SPATA24: variants seen among roughly 807,000 people sequenced by gnomAD.
The protein encoded by SPATA24 is spermatogenesis-associated protein 24.
SPATA24 carries 21 observed loss-of-function variants against 28.9 expected under a neutral mutation model. That is an observed-to-expected ratio of 0.73 (90% confidence interval 0.52 to 1.05). The LOEUF (loss-of-function observed/expected upper bound fraction) is 1.05, where lower values mean the gene tolerates loss of function less well. Ranked by LOEUF, SPATA24 falls within the 50% of genes least tolerant of loss-of-function variation. SPATA24 has a pLI of 0.00. For missense variants in SPATA24, 215 were observed against 242.9 expected, an observed-to-expected ratio of 0.88 and a Z score of 0.76; for synonymous variants, 76 against 89.9, an observed-to-expected ratio of 0.85 and a Z score of 0.88.
Position 139,404,020 on chromosome 5 carries a change from G to C in SPATA24, c.41C>G (p.Ser14Cys), listed in dbSNP as rs1339672353. 1 of 1,551,904 alleles carries C rather than the reference G, an allele frequency of 6.4e-7. No homozygotes were observed. The highest frequency in any genetic ancestry group is 8.7e-7 in the Non-Finnish European group (1 of 1,147,054). Reference protein sequence around the residue: ...PLGWSKAGSGSVCLALDQLRD... With the variant: ...PLGWSKAGSGCVCLALDQLRD... ...CAGTTGATCTAAAGCGAGACACACA[G>C]ATCCTGACCCCGCCTTCGACCACCC... The change falls in exon 1 of 6, where the codon TCT becomes TGT. Residue 14 changes from serine (S) to cysteine (C), a missense_variant. Ser to Cys is a moderately radical substitution (Grantham distance 112). Transcript: ENST00000450845.
downstream of SPATA24, chr5:139,396,677 T>C (rs1424693504): frequency 6.5e-7 from 1 of 1,537,744 alleles, no homozygotes; most frequent in African/African-American, 1.4e-5. Context: ...AGCCCCCACC[T>C]TGTGGACCCC....
At chr5:139,393,633 A>C, downstream of SPATA24, 1 of 1,549,272 alleles carries the variant, frequency 6.5e-7, no homozygotes, top group Non-Finnish European at 8.7e-7. Flanking sequence ...CGACTGCCGA[A>C]TGTGGAATCT....
At chr5:139,403,806 ACTGAGCCCGGCCTCCTC>A in intron 1 of SPATA24, 121 bp downstream of exon 1, 1 of 711,618 alleles carries the variant, frequency 1.4e-6, no homozygotes, top group Non-Finnish European at 2.4e-6. Flanking sequence ...ACCCCTACCG[ACTGAGCCCGGCCTCCTC>A]CTGATGACGC....
chr5:139,394,488 C>G, downstream of SPATA24: 7 of 1,421,668 alleles, frequency 4.9e-6, no homozygotes, highest in Non-Finnish European at 6.4e-6. Flanking sequence ...GCCTGGCGGG[C>G]GCGGCGCCCT....
chr5:139,394,917 A>C, downstream of SPATA24: 1 of 1,519,256 alleles, frequency 6.6e-7, no homozygotes, highest in Non-Finnish European at 8.8e-7. Context: ...CCCAGGGCCA[A>C]TTCGCTGGGC....
Position 139,402,065 on chromosome 5 carries a change from C to T in SPATA24, c.184-20G>A. 1.9e-6 allele frequency: 3 copies of T among 1,549,198 alleles called. No homozygotes were observed. The highest frequency in any genetic ancestry group is 1.2e-5 in the South Asian group (1 of 83,854). On this transcript the variant is annotated intron_variant, in intron 2 of 5. Transcript: ENST00000450845. Reference sequence around the variant, plus strand: ...CTCTTCCTGCAGGGGCAGCAGCAGTCACCTCATTACCCTAGGCCGCCTTGG... The same window carrying T: ...CTCTTCCTGCAGGGGCAGCAGCAGTTACCTCATTACCCTAGGCCGCCTTGG...
intron 2 of SPATA24, among the ~76,000 whole-genome samples, 179 bp from the exon 3 acceptor site, chr5:139,402,224 T>C (rs1244752333): frequency 6.6e-6 from 1 of 151,094 alleles, no homozygotes; most frequent in African/African-American, 2.4e-5. Context: ...CTTTTTTCTT[T>C]TTTTTTTTAG....
At chr5:139,395,066 C>T, downstream of SPATA24, 6 of 1,408,460 alleles carry the variant, frequency 4.3e-6, no homozygotes, top group Admixed American at 3.4e-5. Flanking sequence ...GCTGGCGGGG[C>T]GAGCGCGGTC....
At chr5:139,402,180 G>T (rs1758839584) in intron 2 of SPATA24, 135 bp from the exon 3 acceptor site, 3 of 1,143,306 alleles carry the variant, frequency 2.6e-6, no homozygotes, top group African/African-American at 1.6e-5. Context: ...TGCTACAGGG[G>T]CTGGAGGTTC....
downstream of SPATA24, chr5:139,393,733 C>T: frequency 5.2e-6 from 8 of 1,551,364 alleles, no homozygotes; most frequent in Non-Finnish European, 6.1e-6. Context: ...AGGGCTTCTC[C>T]TGCTGACAGT....
rs1313739220 is a variant in SPATA24, at chr5:139,396,923, G to A, written c.495C>T (p.His165=). The part of the protein sequence containing the change: ...ISQQKQIFRN[H]MSDFRIQKQQ... ...GCTTCTGGATCCGGAAGTCAGACAT[G>A]TGATTCCTGCAACGGAGCCGGCTGG... is the stretch of plus-strand genomic sequence containing the variant. Residue 165 remains histidine (H), a synonymous_variant, in exon 6 of 6, where the codon CAC becomes CAT. Coordinates refer to ENST00000450845, the MANE Select transcript of SPATA24 (RefSeq NM_194296.2). 2.6e-6 allele frequency: 4 copies of A among 1,551,688 alleles called. No homozygotes were observed. The highest frequency in any genetic ancestry group is 3.9e-5 in the Admixed American group (2 of 51,002).
chr5:139,393,544 G>A (rs1758637021), downstream of SPATA24: 5 of 1,551,186 alleles, frequency 3.2e-6, no homozygotes, highest in Non-Finnish European at 4.4e-6. Flanking sequence ...TGGGCCCCAA[G>A]TTCCAATAGG....
chr5:139,392,536 G>A, downstream of SPATA24: 2 of 1,352,914 alleles, frequency 1.5e-6, no homozygotes, highest in Non-Finnish European at 1.9e-6. The surrounding 1 kb of genome is among the most constrained non-coding windows in gnomAD (Gnocchi z 5.8). Context: ...GCGGGGCTGG[G>A]CTGGGGCCGT....
At chr5:139,395,900 G>A (rs368999562), downstream of SPATA24, among the ~76,000 whole-genome samples, 1 of 152,214 alleles carries the variant, frequency 6.6e-6, no homozygotes, top group Non-Finnish European at 1.5e-5. Flanking sequence ...CCTGCGGCCA[G>A]AACAGCCCTG....
downstream of SPATA24, chr5:139,393,778 G>C: frequency 6.4e-7 from 1 of 1,551,448 alleles, no homozygotes. Context: ...TTCCCACTCG[G>C]AGGAGGCTTC....
rs1161342473 is a variant in SPATA24 at position 139,402,401 on chromosome 5, A to G, written c.183+227T>C. Among the ~76,000 whole-genome samples, 3 of 150,668 alleles carry G rather than the reference A, an allele frequency of 2.0e-5. No homozygotes were observed. The South Asian group carries it at 6.2e-4, about 31-fold the overall frequency. On this transcript the variant is annotated intron_variant, in intron 2 of 5. Transcript: ENST00000450845. Reference sequence around the variant, plus strand: ...GCTTGGCTAATATATATATATGTATATATATATTTTTTTGTATTTTTAGTA... The same window carrying G: ...GCTTGGCTAATATATATATATGTATGTATATATTTTTTTGTATTTTTAGTA...
chr5:139,398,741 G>T (rs1319195161), intron 4 of SPATA24, among the ~76,000 whole-genome samples: 2 of 151,594 alleles, frequency 1.3e-5, no homozygotes, highest in African/African-American at 4.9e-5. Context: ...GTTGGACAAG[G>T]GGCCAGGCAC....
chr5:139,397,605 A>G (rs1389169018), intron 4 of SPATA24, among the ~76,000 whole-genome samples: 1 of 148,940 alleles, frequency 6.7e-6, no homozygotes, highest in Non-Finnish European at 1.5e-5. Flanking sequence ...GCCAGGCTGG[A>G]GTGCAGTGGC....
intron 1 of SPATA24, among the ~76,000 whole-genome samples, chr5:139,402,945 G>A (rs568747060): frequency 6.6e-6 from 1 of 152,318 alleles, no homozygotes; most frequent in South Asian, 2.1e-4. Flanking sequence ...GCCTTGATGG[G>A]GAGACATAAG....
Sources: gnomAD v4.1 joint callset for allele counts (sites outside exome capture counted in the v4.1 genomes callset) on GRCh38, gnomAD v4.1.1 for gene constraint, Gnocchi (gnomAD v3.1) non-coding constraint, MANE v1.5 for transcripts, NCBI Gene and HGNC (gene_info 2026-07-23, HGNC 2026-07-21) for gene names.